The following PACRG variants were observed in gnomAD, a reference collection of about 807,000 sequenced individuals.
PACRG encodes the protein parkin coregulated gene protein.
Under a neutral mutation model 29.7 loss-of-function variants are expected in PACRG, and 29 were observed. That is an observed-to-expected ratio of 0.98 (90% CI 0.73 to 1.33). PACRG has a LOEUF of 1.33. PACRG is among the 40% of genes most tolerant of loss of function. PACRG has a pLI of 0.00. For synonymous variants in PACRG, 116 were observed against 118.7 expected, an observed-to-expected ratio of 0.98 and a Z score of 0.15; for missense variants, 279 against 316.2, an observed-to-expected ratio of 0.88 and a Z score of 0.89.
At chr6:162,899,590 G>A (rs1230979781) in intron 2 of PACRG, among the ~76,000 whole-genome samples, 1 of 152,116 alleles carries the variant, frequency 6.6e-6, no homozygotes, top group African/African-American at 2.4e-5. Flanking sequence ...CTCTGCCCTG[G>A]CTCCTGCCGT....
In PACRG at chr6:163,094,725, C is replaced by T. The variant is rs150813118; in HGVS notation, c.613+5317C>T. 6.6e-5 allele frequency among the ~76,000 whole-genome samples: 10 copies of T among 152,174 alleles called. No individual in the cohort carries two copies. The East Asian group carries it at 1.2e-3, about 18-fold the overall frequency. On this transcript the variant is annotated intron_variant, in intron 4 of 4. Transcript: ENST00000366888. ...CTACGCAACCAGTACTTATTTATTC[C>T]GTCTTGTCCAAGCAGCCTCACTACT...
At chr6:162,958,878 TATATATAGAGAGAGAGAG>T (rs1313983574) in intron 2 of PACRG, among the ~76,000 whole-genome samples, 59 of 20,144 alleles carry the variant, frequency 2.9e-3, no homozygotes, top group African/African-American at 8.1e-3. Context: ...TATATATATA[TATATATAGAGAGAGAGAG>T]AGAGAGAGAG....
intron 4 of PACRG, among the ~76,000 whole-genome samples, chr6:163,235,569 A>G (rs560995713): frequency 6.6e-6 from 1 of 152,268 alleles, no homozygotes; most frequent in African/African-American, 2.4e-5. Context: ...AGATCATGCC[A>G]TTCATCCCCT....
At chr6:163,251,047 G>A (rs1782882953) in intron 4 of PACRG, among the ~76,000 whole-genome samples, 1 of 151,914 alleles carries the variant, frequency 6.6e-6, no homozygotes, top group South Asian at 2.1e-4. Flanking sequence ...ACTGATACAT[G>A]GGAGCTAAGC....
intron 4 of PACRG, among the ~76,000 whole-genome samples, chr6:163,117,918 G>A (rs1188283346): frequency 6.6e-6 from 1 of 152,180 alleles, no homozygotes; most frequent in Non-Finnish European, 1.5e-5. Flanking sequence ...TACAGGCAGA[G>A]AATTGACAAC....
At chr6:163,218,808 A>G (rs772735820) in intron 4 of PACRG, among the ~76,000 whole-genome samples, 2 of 152,092 alleles carry the variant, frequency 1.3e-5, no homozygotes, top group Non-Finnish European at 2.9e-5. Context: ...CTCTCTCAAC[A>G]TGTATATAGC....
Position 163,089,268 on chromosome 6 carries a change from A to C in PACRG, c.473A>C (p.Asn158Thr). 6.2e-7 allele frequency: 1 copy of C among 1,613,248 alleles called. No homozygotes were observed. Among genetic ancestry groups the C allele is most frequent in the Non-Finnish European group, 8.5e-7 (1 of 1,179,754 alleles). Residue 158 changes from asparagine to threonine, a missense_variant, in exon 4 of 5, where the codon AAC (asparagine) becomes ACC (threonine). Asn to Thr is a moderately conservative substitution (Grantham distance 65). Coordinates refer to ENST00000366888, the MANE Select transcript of PACRG (RefSeq NM_001080379.2). ...TTCTTTTACCATATAGATGCCTTGA[A>C]CCTCCGAAACCGACAGGTCATCTGT... The part of the protein sequence containing the change: ...QLIIPIKNAL[N>T]LRNRQVICVT...
intron 2 of PACRG, among the ~76,000 whole-genome samples, chr6:162,940,377 A>G (rs1471071574): frequency 2.0e-5 from 3 of 150,264 alleles, no homozygotes; most frequent in East Asian, 2.0e-4. Context: ...GTGGTTCTCT[A>G]TGTTCTCTCT....
chr6:162,730,516 C>A (rs1239865729), intron 1 of PACRG, among the ~76,000 whole-genome samples: 1 of 152,088 alleles, frequency 6.6e-6, no homozygotes, highest in African/African-American at 2.4e-5. Context: ...AGGAGTTATA[C>A]AGAGACTCCT....
At chr6:163,249,142 A>T (rs1782807986) in intron 4 of PACRG, among the ~76,000 whole-genome samples, 1 of 152,112 alleles carries the variant, frequency 6.6e-6, no homozygotes, top group Non-Finnish European at 1.5e-5. Flanking sequence ...AATGAGAAAC[A>T]TGTTTTGATC....
rs141410582 is a variant in PACRG, at chr6:162,791,307, G to GTTTT, written c.157-22837_157-22836insTTTT. Among the ~76,000 whole-genome samples, 73 of 117,848 alleles carry GTTTT rather than the reference G, an allele frequency of 6.2e-4. 2 individuals are homozygous for GTTTT. The highest frequency in any genetic ancestry group is 1.4e-3 in the Admixed American group (16 of 11,378). 77.3% of individuals were successfully genotyped at this position (117,848 alleles called of 152,430 possible). A position where few individuals can be genotyped will look rare whatever the true frequency, so the allele number is the denominator to read the frequency against. On this transcript the variant is annotated intron_variant, in intron 1 of 4. Coordinates refer to ENST00000366888, the MANE Select transcript of PACRG (RefSeq NM_001080379.2). The stretch of plus-strand genomic sequence containing the variant: ...CCCCACTCTGACTCCTAGTTTGTTT[G>GTTTT]TTTGTTTTTTTTTTTTTTGCTTTGC...
At position 163,278,486 on chromosome 6, in the gene PACRG, GA is replaced by G. The variant is rs747382217; in HGVS notation, c.614-36340del. On this transcript the variant is annotated intron_variant, in intron 4 of 4. Transcript: ENST00000366888. ...TTTCAGGTCTTAGATTTAAGTCTTT[GA>G]TCCATCTTGAGTTGATTTTTGTATA... Among the ~76,000 whole-genome samples the G allele has an allele frequency of 3.0e-4, 45 of 152,160 alleles. 1 individual carries two copies. Among genetic ancestry groups the G allele is most frequent in the Admixed American group, 2.7e-3 (42 of 15,290 alleles).
chr6:162,888,246 G>A (rs1794505393), intron 2 of PACRG, among the ~76,000 whole-genome samples: 1 of 152,192 alleles, frequency 6.6e-6, no homozygotes, highest in South Asian at 2.1e-4. Flanking sequence ...CCATCACCGA[G>A]TTGAGCACTT....
chr6:162,820,659 G>T (rs1350605955), intron 2 of PACRG, among the ~76,000 whole-genome samples: 2 of 152,120 alleles, frequency 1.3e-5, no homozygotes, highest in East Asian at 3.9e-4. Context: ...AAAAAATAAT[G>T]CTATATCTGT....
chr6:162,981,908 T>TAC (rs1802467857), intron 2 of PACRG, among the ~76,000 whole-genome samples: 6 of 148,634 alleles, frequency 4.0e-5, no homozygotes, highest in African/African-American at 1.5e-4. Context: ...GTCCTGGATT[T>TAC]TTTTTTTTTT....
intron 4 of PACRG, among the ~76,000 whole-genome samples, chr6:163,297,440 A>G (rs1784817614): frequency 6.6e-6 from 1 of 152,170 alleles, no homozygotes; most frequent in Non-Finnish European, 1.5e-5. Flanking sequence ...ATAAGAACAA[A>G]TACTTCTGCC....
chr6:163,175,600 G>A (rs1347332240), intron 4 of PACRG, among the ~76,000 whole-genome samples: 1 of 152,048 alleles, frequency 6.6e-6, no homozygotes, highest in Non-Finnish European at 1.5e-5. Flanking sequence ...AGCAGCTGCT[G>A]GGGTGCATAA....
intron 4 of PACRG, chr6:163,111,926 C>T: frequency 3.1e-6 from 1 of 325,646 alleles, no homozygotes; most frequent in Non-Finnish European, 4.4e-6. Context: ...GAGGGGCACT[C>T]ATTTTAAGAA....
At chr6:162,910,682 A>G (rs994390091) in intron 2 of PACRG, among the ~76,000 whole-genome samples, 1 of 152,204 alleles carries the variant, frequency 6.6e-6, no homozygotes, top group African/African-American at 2.4e-5. Context: ...TTTATTCAGG[A>G]TGAATTTGTT....
Sources: allele counts gnomAD v4.1 joint callset (sites outside exome capture counted in the v4.1 genomes callset), GRCh38; gene constraint gnomAD v4.1.1; transcripts MANE v1.5; gene names NCBI Gene and HGNC (gene_info 2026-07-23, HGNC 2026-07-21).